The following VPS13B variants were observed in gnomAD, a reference collection of about 807,000 sequenced individuals.
VPS13B encodes the protein intermembrane lipid transfer protein VPS13B.
Under a neutral mutation model 426.4 loss-of-function variants are expected in VPS13B, and 285 were observed. The ratio of observed to expected loss-of-function variants is 0.67; its 90% CI spans 0.61 to 0.74. The LOEUF (loss-of-function observed/expected upper bound fraction) is 0.74. Among genes scored for constraint, VPS13B ranks in the 30% least tolerant of loss-of-function variants. The pLI is 0.00. For synonymous variants in VPS13B, 1,676 were observed against 1,676.4 expected (o/e 1.00, Z 0.01); for missense variants, 4,537 against 4,782.6 (o/e 0.95, Z 1.51).
intron 37 of VPS13B, 130 bp from the exon 38 acceptor site, chr8:99,720,215 A>G (rs1324489701): frequency 1.3e-6 from 1 of 765,786 alleles, no homozygotes; most frequent in Non-Finnish European, 2.1e-6. Flanking sequence ...ACTTTTTAGG[A>G]ATTATAGTTT....
intron 7 of VPS13B, 28 bp from the exon 8 acceptor site, chr8:99,121,149 T>C: frequency 1.3e-6 from 2 of 1,598,758 alleles, no homozygotes; most frequent in Non-Finnish European, 1.7e-6. Context: ...TTTTGACTTA[T>C]TTAAAATGAC....
chr8:99,096,270 A>G (rs1273499372), intron 3 of VPS13B, 42 bp from the exon 4 acceptor site: 4 of 1,611,110 alleles, frequency 2.5e-6, no homozygotes, highest in African/African-American at 1.3e-5. Flanking sequence ...ATTCTTGAGT[A>G]TGATCGATGG....
intron 19 of VPS13B, among the ~76,000 whole-genome samples, chr8:99,312,964 T>C (rs1182088152): frequency 6.6e-6 from 1 of 152,226 alleles, no homozygotes; most frequent in Non-Finnish European, 1.5e-5. Context: ...TCGAATCGGC[T>C]AAGGAAGGTT....
At chr8:99,759,187 TC>T (rs1230993572) in intron 39 of VPS13B, among the ~76,000 whole-genome samples, 2 of 152,134 alleles carry the variant, frequency 1.3e-5, no homozygotes, top group Non-Finnish European at 2.9e-5. Context: ...TCTCTAGGAA[TC>T]TTTTCCACTC....
chr8:99,261,693 G>A (rs1173102575), intron 17 of VPS13B, among the ~76,000 whole-genome samples: 1 of 152,032 alleles, frequency 6.6e-6, no homozygotes, highest in East Asian at 1.9e-4. Flanking sequence ...CAGTGAATGA[G>A]GTTCTGTTTC....
At chr8:99,407,701 G>C (rs990754133) in intron 21 of VPS13B, among the ~76,000 whole-genome samples, 1 of 151,172 alleles carries the variant, frequency 6.6e-6, no homozygotes, top group African/African-American at 2.4e-5. Context: ...TAAGTTCTAG[G>C]GTACATGTGC....
chr8:99,577,720 T>A, intron 33 of VPS13B, 87 bp downstream of exon 33: 8 of 1,464,110 alleles, frequency 5.5e-6, no homozygotes, highest in Non-Finnish European at 7.6e-6. Flanking sequence ...AGCTGACTGC[T>A]TTCTGCTTAA....
At chr8:99,446,072 A>G (rs1817905636) in intron 23 of VPS13B, among the ~76,000 whole-genome samples, 1 of 152,208 alleles carries the variant, frequency 6.6e-6, no homozygotes, top group African/African-American at 2.4e-5. Context: ...TTTGGCCATG[A>G]GCCACATTTG....
chr8:99,787,601 T>TGA lies in VPS13B; in HGVS notation c.7941+3125_7941+3126insGA, dbSNP rs763344209. 1.3e-3 allele frequency among the ~76,000 whole-genome samples: 192 copies of TGA among 152,272 alleles called. 2 individuals carry two copies. The highest frequency in any genetic ancestry group is 3.7e-3 in the Admixed American group (57 of 15,278). On this transcript the variant is annotated intron_variant, in intron 43 of 61. Transcript: ENST00000357162. ...AGGGACTGGTCTTCAAAGAAGTATG[T>TGA]CACATTATGCTACGTTGAATCTAGG...
Position 99,431,656 on chromosome 8 carries a change from A to G in VPS13B, c.3202A>G (p.Thr1068Ala). ...TGTTTGGAATGCAGTGAAGCATCTC[A>G]CACTACAGGTAAAATAAAAGTTAGA... ...GIVWNAVKHLTLQLEVQSCCV... is the reference protein window; with the variant it reads ...GIVWNAVKHLALQLEVQSCCV... Residue 1068 changes from threonine (T) to alanine (A), a missense_variant, in exon 22 of 62, where the codon ACA (threonine) becomes GCA (alanine). Physicochemically the swap from Thr to Ala is moderately conservative, Grantham distance 58 (BLOSUM62 0). Around this residue, in one of 2 missense-constraint regions of VPS13B, gnomAD observed 4,311 missense variants for 4,474.3 expected, o/e 0.96. Coordinates refer to ENST00000357162, the MANE Select transcript of VPS13B (RefSeq NM_152564.5). The G allele has an allele frequency of 1.2e-6, 2 of 1,612,336 alleles. No homozygotes were observed. Among genetic ancestry groups the G allele is most frequent in the East Asian group, 2.2e-5 (1 of 44,702 alleles).
intron 54 of VPS13B, among the ~76,000 whole-genome samples, chr8:99,848,437 G>A (rs1033431165): frequency 1.1e-4 from 16 of 152,044 alleles, no homozygotes; most frequent in African/African-American, 9.7e-5. Context: ...TTCCCACAAA[G>A]ATCCATATGC....
At chr8:99,645,240 G>A (rs1013794996) in intron 34 of VPS13B, among the ~76,000 whole-genome samples, 1 of 152,064 alleles carries the variant, frequency 6.6e-6, no homozygotes, top group East Asian at 1.9e-4. Flanking sequence ...GGAAAACCTG[G>A]GTTCAAATTC....
chr8:99,712,705 C>T lies in VPS13B; in HGVS notation c.6455-4466C>T, dbSNP rs141780753. On this transcript the variant is annotated intron_variant, in intron 36 of 61. Transcript: ENST00000357162. ...AATTTTACTGATATTTCTGTCCCCA[C>T]CTTTATCTTTATTCTCTTGAGAATT... is the stretch of plus-strand genomic sequence containing the variant. 6.4e-4 allele frequency among the ~76,000 whole-genome samples: 97 copies of T among 151,456 alleles called. 2 individuals carry two copies. In the East Asian group the frequency reaches 0.016, roughly 25 times the overall value.
intron 39 of VPS13B, among the ~76,000 whole-genome samples, chr8:99,752,278 C>T (rs1347553908): frequency 6.6e-6 from 1 of 152,126 alleles, no homozygotes; most frequent in Non-Finnish European, 1.5e-5. Flanking sequence ...ATGTGCTAGA[C>T]CCATGGAGAA....
chr8:99,643,801 C>G (rs919480777), intron 34 of VPS13B, among the ~76,000 whole-genome samples: 1 of 152,162 alleles, frequency 6.6e-6, no homozygotes, highest in Admixed American at 6.5e-5. Flanking sequence ...GCAACAACTG[C>G]CTCTCTTTCT....
At chr8:99,236,372 C>T (rs1294505738) in intron 17 of VPS13B, among the ~76,000 whole-genome samples, 1 of 152,060 alleles carries the variant, frequency 6.6e-6, no homozygotes, top group Non-Finnish European at 1.5e-5. Context: ...GACTCAGTCT[C>T]CTGAGTAGCT....
At chr8:99,461,638 A>G (rs1240358520) in intron 23 of VPS13B, among the ~76,000 whole-genome samples, 1 of 152,084 alleles carries the variant, frequency 6.6e-6, no homozygotes, top group Non-Finnish European at 1.5e-5. Context: ...AGCATTGACA[A>G]TTTCTCATCC....
intron 33 of VPS13B, among the ~76,000 whole-genome samples, chr8:99,606,498 CAAAAAAAAAAA>C (rs370527702): frequency 2.7e-5 from 2 of 74,342 alleles, no homozygotes; most frequent in African/African-American, 1.0e-4. Flanking sequence ...GACTCAGTTT[CAAAAAAAAAAA>C]AAAAAGAAAA....
chr8:99,535,850 C>T (rs1823183928), intron 30 of VPS13B, among the ~76,000 whole-genome samples: 1 of 151,948 alleles, frequency 6.6e-6, no homozygotes, highest in Non-Finnish European at 1.5e-5. Flanking sequence ...ATTGTGAAAA[C>T]TTTTATCTCA....
Sources: allele counts gnomAD v4.1 joint callset (sites outside exome capture counted in the v4.1 genomes callset), GRCh38; gene constraint gnomAD v4.1.1; regional missense constraint gnomAD v4.1.1; transcripts MANE v1.5; gene names NCBI Gene and HGNC (gene_info 2026-07-23, HGNC 2026-07-21).